The following DDX60 variants were observed in gnomAD, a reference collection of about 807,000 sequenced individuals.
DDX60 encodes DExD/H-box helicase 60.
A neutral mutation model predicts 212.8 loss-of-function variants in DDX60; 165 were observed. The observed-to-expected ratio is 0.78, with a 90% confidence interval of 0.68 to 0.88. The LOEUF is 0.88. DDX60 is among the 40% of genes least tolerant of loss of function. The probability of loss-of-function intolerance (pLI) is 0.00; values close to 1 mark genes in which losing one functional copy is unlikely to be tolerated. For missense variants in DDX60, 1,905 were observed against 2,003.9 expected (o/e 0.95, Z 0.94); for synonymous variants, 703 against 685.3 (o/e 1.03, Z -0.40).
rs1560848250 is a variant in DDX60, at chr4:168,275,438, C to G, written c.2211G>C (p.Arg737=). 2 of 1,612,562 alleles carry G rather than the reference C, an allele frequency of 1.2e-6. No individual in the cohort carries two copies. ...AATGGCCCATGTATTGCAGTTGGAACCGAGCTGGCCCAATGCCAACTGAAT... is the reference window on the plus strand; with the variant it reads ...AATGGCCCATGTATTGCAGTTGGAAGCGAGCTGGCCCAATGCCAACTGAAT... ...NKYSVGIGPA[R]FQLQYMGHYL... Residue 737 remains arginine (R), a synonymous_variant, in exon 16 of 38, where the codon CGG becomes CGC. Transcript: ENST00000393743.
rs1386689754 is a variant in DDX60, at chr4:168,272,142, C to T, written c.2575-4G>A. On this transcript the variant is annotated splice_region_variant and splice_polypyrimidine_tract_variant and intron_variant, in intron 18 of 37. Transcript: ENST00000393743. ...AGGCAGGCACTGTAATAAGTACCTA[C>T]AAAGAATAATATTGTGTGAAGTAAC... is the stretch of plus-strand genomic sequence containing the variant. The T allele has an allele frequency of 1.3e-6, 2 of 1,565,320 alleles. No homozygotes were observed. The highest frequency in any genetic ancestry group is 1.7e-4 in the Middle Eastern group (1 of 6,014).
At chr4:168,306,248 T>C in intron 5 of DDX60, 131 bp downstream of exon 5, 1 of 569,596 alleles carries the variant, frequency 1.8e-6, no homozygotes, top group Non-Finnish European at 3.1e-6. Flanking sequence ...ATTTACTTAA[T>C]ATTATTAATT....
chr4:168,302,671 A>G (rs1736697032), intron 5 of DDX60, among the ~76,000 whole-genome samples: 1 of 152,174 alleles, frequency 6.6e-6, no homozygotes, highest in Non-Finnish European at 1.5e-5. Context: ...ATAACATAAA[A>G]TTCCTTCATT....
Position 168,224,267 on chromosome 4 carries a change from C to T in DDX60, c.4800G>A (p.Leu1600=). 3.1e-6 allele frequency: 5 copies of T among 1,612,408 alleles called. No individual in the cohort carries two copies. The highest frequency in any genetic ancestry group is 4.2e-6 in the Non-Finnish European group (5 of 1,178,928). The change falls in exon 35 of 38, where the codon TTG becomes TTA. Residue 1600 remains leucine, a synonymous_variant. Coordinates refer to ENST00000393743, the MANE Select transcript of DDX60 (RefSeq NM_017631.6). ...CATGGTTTGGAGTTTCTAGTCGAAG[C>T]AAATCATCATCAAAGTTCCCAGACA... ...VCLSGNFDDD[L]LRLETPNHVT...
At chr4:168,325,618 C>T in the DDX60 span, among the ~76,000 whole-genome samples, 1 of 145,910 alleles carries the variant, frequency 6.9e-6, no homozygotes, top group Middle Eastern at 3.6e-3. Flanking sequence ...TGAGTACACT[C>T]CATCTGTGAT....
At chr4:168,261,133 A>G (rs2149511512) in intron 24 of DDX60, 144 bp from the exon 25 acceptor site, 1 of 916,160 alleles carries the variant, frequency 1.1e-6, no homozygotes, top group Non-Finnish European at 1.6e-6. Context: ...TTATAAAACG[A>G]GGCAAAGAAC....
chr4:168,263,838 C>G (rs1734725715), intron 22 of DDX60, among the ~76,000 whole-genome samples: 1 of 151,754 alleles, frequency 6.6e-6, no homozygotes, highest in Admixed American at 6.6e-5. Context: ...GTTACAGAAG[C>G]CTGTTGAATG....
rs1486999261 is a variant in DDX60, at chr4:168,267,991, A to G, written c.2787-8T>C. The G allele has an allele frequency of 1.2e-6, 2 of 1,604,814 alleles. No individual in the cohort carries two copies. The highest frequency in any genetic ancestry group is 1.7e-6 in the Non-Finnish European group (2 of 1,175,478). The stretch of plus-strand genomic sequence containing the variant: ...TTTACCGATTGTAGCCACCTTAAAA[A>G]ATAAATGTACATATTATTTAGGCAG... On this transcript the variant is annotated splice_polypyrimidine_tract_variant and splice_region_variant and intron_variant, in intron 20 of 37. Transcript: ENST00000393743.
At chr4:168,285,606 T>C in intron 10 of DDX60, 108 bp from the exon 11 acceptor site, 1 of 684,910 alleles carries the variant, frequency 1.5e-6, no homozygotes, top group South Asian at 2.1e-5. Flanking sequence ...TTTATATTAA[T>C]CTTATTTACA....
At chr4:168,290,901 T>C (rs1301997342) in intron 8 of DDX60, among the ~76,000 whole-genome samples, 1 of 152,208 alleles carries the variant, frequency 6.6e-6, no homozygotes, top group African/African-American at 2.4e-5. Flanking sequence ...TCCTAGTTAA[T>C]TGGTCATAAA....
At position 168,216,755 on chromosome 4, in the gene DDX60, G is replaced by C. The variant is rs1451766006; in HGVS notation, c.*178C>G. 6.0e-6 allele frequency: 3 copies of C among 499,022 alleles called. No homozygotes were observed. Among genetic ancestry groups the C allele is most frequent in the Non-Finnish European group, 7.0e-6 (2 of 287,400 alleles). 30.9% of individuals were successfully genotyped at this position (499,022 alleles called of 1,614,324 possible). On this transcript the variant is annotated 3_prime_UTR_variant, in exon 38 of 38. Transcript: ENST00000393743. ...AAATAATTTGTGAGTATTCATGACA[G>C]AACATGGCAGGTTTGATTGCAACTC...
At chr4:168,308,737 A>C in intron 3 of DDX60, among the ~76,000 whole-genome samples, 1 of 148,686 alleles carries the variant, frequency 6.7e-6, no homozygotes, top group Middle Eastern at 3.6e-3. Flanking sequence ...ATACACACCA[A>C]TATAAATACT....
chr4:168,303,736 C>A (rs953878470), intron 5 of DDX60, among the ~76,000 whole-genome samples: 2 of 152,164 alleles, frequency 1.3e-5, no homozygotes, highest in Admixed American at 1.3e-4. Flanking sequence ...GTAATCCCAG[C>A]ACTTTGGGAG....
At chr4:168,312,153 G>T (rs1430944348) in intron 1 of DDX60, among the ~76,000 whole-genome samples, 1 of 152,132 alleles carries the variant, frequency 6.6e-6, no homozygotes, top group Non-Finnish European at 1.5e-5. Flanking sequence ...AGGAAAGGGG[G>T]TTGTCAAGGA....
rs1560864986 is a variant in DDX60, at chr4:168,292,048, T to TCTTTC, written c.883-143_883-142insGAAAG. The TCTTTC allele has an allele frequency of 1.5e-3, 647 of 420,176 alleles. 3 individuals are homozygous for TCTTTC. The highest frequency in any genetic ancestry group is 3.7e-3 in the Middle Eastern group (6 of 1,610). The allele number at this position is 420,176 out of a possible 1,614,324, so 26.0% of individuals were successfully genotyped here. A position where few individuals can be genotyped will look rare whatever the true frequency, so the allele number is the denominator to read the frequency against. ...TCCTTTCTTTCTTTCTTTCTTTCTT[T>TCTTTC]CTTTTTTTTTTTTTTTTTGAGACAG... On this transcript the variant is annotated intron_variant, in intron 7 of 37. Transcript: ENST00000393743.
chr4:168,284,399 G>A (rs1236711436), intron 12 of DDX60, among the ~76,000 whole-genome samples: 1 of 152,162 alleles, frequency 6.6e-6, no homozygotes, highest in African/African-American at 2.4e-5. Context: ...CACTGTTAGT[G>A]GTTTCATGGG....
chr4:168,254,842 T>C (rs1734343653), intron 26 of DDX60, among the ~76,000 whole-genome samples: 1 of 152,120 alleles, frequency 6.6e-6, no homozygotes, highest in African/African-American at 2.4e-5. Context: ...GTAAGTCATG[T>C]GAGGAGAATC....
intron 29 of DDX60, 68 bp downstream of exon 29, chr4:168,248,120 C>T (rs1734083939): frequency 1.0e-6 from 1 of 1,001,392 alleles, no homozygotes; most frequent in Non-Finnish European, 1.5e-6. Context: ...ACTAAAGGTT[C>T]ACATGTTTTA....
chr4:168,232,076 A>G lies in DDX60; in HGVS notation c.4533+4176T>C, dbSNP rs112189068. ...GCTCTGCCATACACCAACAGCAACC[A>G]AGCTGAGAATCAAATCAAGAACTCA... is the stretch of plus-strand genomic sequence containing the variant. On this transcript the variant is annotated intron_variant, in intron 33 of 37. Coordinates refer to ENST00000393743, the MANE Select transcript of DDX60 (RefSeq NM_017631.6). Among the ~76,000 whole-genome samples the G allele has an allele frequency of 6.7e-3, 1,025 of 152,176 alleles. 11 individuals carry two copies. The highest frequency in any genetic ancestry group is 0.023 in the African/African-American group (970 of 41,552).
Sources: allele counts gnomAD v4.1 joint callset (sites outside exome capture counted in the v4.1 genomes callset), GRCh38; gene constraint gnomAD v4.1.1; transcripts MANE v1.5; gene names NCBI Gene and HGNC (gene_info 2026-07-23, HGNC 2026-07-21).